TNIK: variants seen among roughly 807,000 people sequenced by gnomAD.
TNIK encodes the protein TRAF2 and NCK-interacting protein kinase.
TNIK carries 49 observed loss-of-function variants against 191.3 expected under a neutral mutation model. The observed-to-expected ratio is 0.26, with a 90% CI of 0.20 to 0.32. The LOEUF (loss-of-function observed/expected upper bound fraction) is 0.32. Among genes scored for constraint, TNIK ranks in the 10% least tolerant of loss-of-function variants. TNIK has a pLI of 1.00. For synonymous variants in TNIK, 594 were observed against 600.9 expected, an observed-to-expected ratio of 0.99 and a Z score of 0.17; for missense variants, 1,155 against 1,702.3, an observed-to-expected ratio of 0.68 and a Z score of 5.66.
chr3:171,088,983 C>T (rs1425979311), intron 23 of TNIK, among the ~76,000 whole-genome samples: 1 of 152,206 alleles, frequency 6.6e-6, no homozygotes, highest in Non-Finnish European at 1.5e-5. Flanking sequence ...CTTTTTACTT[C>T]TGGAGCTTGT....
chr3:171,125,103 G>C (rs566505137), intron 17 of TNIK, among the ~76,000 whole-genome samples: 1 of 152,176 alleles, frequency 6.6e-6, no homozygotes, highest in African/African-American at 2.4e-5. Context: ...GGAATTAACA[G>C]TGGCATTTTC....
At chr3:171,126,668 T>C (rs1728520833) in intron 16 of TNIK, among the ~76,000 whole-genome samples, 1 of 152,180 alleles carries the variant, frequency 6.6e-6, no homozygotes, top group African/African-American at 2.4e-5. Flanking sequence ...ATACCCTAGA[T>C]TGCACAGATA....
chr3:171,360,825 C>A (rs1714863639), intron 2 of TNIK, among the ~76,000 whole-genome samples: 1 of 152,256 alleles, frequency 6.6e-6, no homozygotes, highest in African/African-American at 2.4e-5. Flanking sequence ...ACAGCCCCCA[C>A]AGATTTGGCT....
chr3:171,207,190 A>G (rs779977121), intron 4 of TNIK, among the ~76,000 whole-genome samples: 2 of 152,126 alleles, frequency 1.3e-5, no homozygotes, highest in Non-Finnish European at 2.9e-5. Context: ...TTGGATATAT[A>G]TCCAGAGGTG....
chr3:171,096,481 A>G (rs918651520), intron 22 of TNIK, among the ~76,000 whole-genome samples: 1 of 151,750 alleles, frequency 6.6e-6, no homozygotes, highest in East Asian at 1.9e-4. Flanking sequence ...CACTAACCTA[A>G]TTTTTTTTAA....
chr3:171,460,132 G>A lies in TNIK; in HGVS notation c.-69C>T. On this transcript the variant is annotated 5_prime_UTR_variant, in exon 1 of 33. Coordinates refer to ENST00000436636, the MANE Select transcript of TNIK (RefSeq NM_015028.4). The surrounding 1 kb of genome is among the most constrained non-coding windows in gnomAD (Gnocchi z 6.8). Reference sequence around the variant, plus strand: ...CTTTTCCCTTGGAAATTCCACCTTGGTCTATTTCACTCGCGTCCTCATGCG... The same window carrying A: ...CTTTTCCCTTGGAAATTCCACCTTGATCTATTTCACTCGCGTCCTCATGCG... 1 of 1,549,228 alleles carries A rather than the reference G, an allele frequency of 6.5e-7. No homozygotes were observed. Among genetic ancestry groups the A allele is most frequent in the South Asian group, 1.2e-5 (1 of 84,224 alleles).
At chr3:171,342,236 T>C (rs1757609086) in intron 2 of TNIK, among the ~76,000 whole-genome samples, 1 of 152,218 alleles carries the variant, frequency 6.6e-6, no homozygotes, top group South Asian at 2.1e-4. Flanking sequence ...TCTCCAATTC[T>C]TCAGGTCTAA....
intron 1 of TNIK, among the ~76,000 whole-genome samples, chr3:171,457,185 A>G (rs1728888823): frequency 6.6e-6 from 1 of 152,218 alleles, no homozygotes; most frequent in East Asian, 1.9e-4. Context: ...AACCATGCAA[A>G]TCTTGCATAA....
intron 32 of TNIK, chr3:171,064,176 G>A: frequency 2.0e-6 from 1 of 511,400 alleles, no homozygotes; most frequent in Non-Finnish European, 3.5e-6. Flanking sequence ...TCCTTATTGT[G>A]GTATTGGTCT....
chr3:171,333,803 C>T lies in TNIK; in HGVS notation c.123+35817G>A, dbSNP rs1756666286. Among the ~76,000 whole-genome samples the T allele has an allele frequency of 2.0e-5, 3 of 152,208 alleles. No individual in the cohort carries two copies. In the South Asian group the frequency reaches 6.2e-4, roughly 31 times the overall value. On this transcript the variant is annotated intron_variant, in intron 2 of 32. Transcript: ENST00000436636. ...CCCCAGATAGTAACCTTTCCCTTTC[C>T]CCATCGTGCTCAGCACTCAGTTACT...
intron 1 of TNIK, among the ~76,000 whole-genome samples, chr3:171,402,687 A>C (rs78004322): frequency 0.014 from 2,202 of 152,320 alleles, 54 homozygotes; most frequent in African/African-American, 0.049. Context: ...CTTCTGGTAG[A>C]AGAGACATGG....
intron 4 of TNIK, among the ~76,000 whole-genome samples, chr3:171,204,622 G>C (rs1165140930): frequency 1.3e-5 from 2 of 152,150 alleles, no homozygotes; most frequent in East Asian, 3.8e-4. Context: ...CATTCCCAAA[G>C]CACCTAACGC....
intron 2 of TNIK, among the ~76,000 whole-genome samples, chr3:171,316,015 G>T (rs1256097183): frequency 2.6e-5 from 4 of 151,990 alleles, no homozygotes; most frequent in African/African-American, 7.2e-5. Context: ...CAAGAAAGAG[G>T]CTCTCACTGG....
chr3:171,425,375 G>T (rs1724413701), intron 1 of TNIK, among the ~76,000 whole-genome samples: 1 of 152,096 alleles, frequency 6.6e-6, no homozygotes, highest in Non-Finnish European at 1.5e-5. Context: ...TACATAATTA[G>T]ATAGACTATC....
In TNIK at chr3:171,340,599, G is replaced by A. The variant is rs568891789; in HGVS notation, c.123+29021C>T. On this transcript the variant is annotated intron_variant, in intron 2 of 32. Coordinates refer to ENST00000436636, the MANE Select transcript of TNIK (RefSeq NM_015028.4). ...CGTGCCTTGTTGATTATACTTACTC[G>A]TGGACTTTACTCCTTTCTCCCACAA... is the stretch of plus-strand genomic sequence containing the variant. 1.1e-4 allele frequency among the ~76,000 whole-genome samples: 16 copies of A among 152,254 alleles called. No homozygotes were observed. The East Asian group carries it at 2.7e-3, about 26-fold the overall frequency.
At chr3:171,209,109 C>A (rs904040940) in intron 4 of TNIK, among the ~76,000 whole-genome samples, 4 of 118,098 alleles carry the variant, frequency 3.4e-5, no homozygotes, top group Admixed American at 8.7e-5. Flanking sequence ...ATGCCAACTG[C>A]CCTTAAGTTG....
chr3:171,144,534 T>A (rs1403750178), intron 12 of TNIK, among the ~76,000 whole-genome samples: 1 of 152,246 alleles, frequency 6.6e-6, no homozygotes, highest in Non-Finnish European at 1.5e-5. Context: ...TGGGGTACAA[T>A]GTGATGTTTA....
At chr3:171,156,720 C>T (rs1253091510) in intron 12 of TNIK, among the ~76,000 whole-genome samples, 1 of 152,192 alleles carries the variant, frequency 6.6e-6, no homozygotes, top group Non-Finnish European at 1.5e-5. Context: ...AGTATGGCTT[C>T]CCACACAGAT....
chr3:171,299,243 AT>A (rs1447341921), intron 2 of TNIK, among the ~76,000 whole-genome samples: 2 of 152,134 alleles, frequency 1.3e-5, no homozygotes, highest in Non-Finnish European at 2.9e-5. Flanking sequence ...CTTGGCTGTA[AT>A]TTAGAGGTGG....
Sources: gnomAD v4.1 joint callset for allele counts (sites outside exome capture counted in the v4.1 genomes callset) on GRCh38, gnomAD v4.1.1 for gene constraint, Gnocchi (gnomAD v3.1) non-coding constraint, MANE v1.5 for transcripts, NCBI Gene and HGNC (gene_info 2026-07-23, HGNC 2026-07-21) for gene names.